The following STK11IP variants were observed in gnomAD, a reference collection of about 807,000 sequenced individuals.
STK11IP encodes the protein serine/threonine-protein kinase 11-interacting protein.
A neutral mutation model predicts 131.7 loss-of-function variants in STK11IP; 103 were observed. The ratio of observed to expected loss-of-function variants is 0.78; its 90% CI spans 0.67 to 0.92. The LOEUF is 0.92. Among genes scored for constraint, STK11IP ranks in the 40% least tolerant of loss-of-function variants. The pLI, the probability that STK11IP is intolerant of heterozygous loss-of-function variation, is 0.00. For synonymous variants in STK11IP, 557 were observed against 575.6 expected (o/e 0.97, Z 0.46); for missense variants, 1,315 against 1,385.7 (o/e 0.95, Z 0.81).
rs1352611564 is a variant in STK11IP at position 219,611,567 on chromosome 2, G to C, written c.2105-37G>C. On this transcript the variant is annotated intron_variant, in intron 17 of 24. Coordinates refer to ENST00000456909, the MANE Select transcript of STK11IP (RefSeq NM_052902.4). The stretch of plus-strand genomic sequence containing the variant: ...CATGGTGGGAGTTGTGGCACTGTGG[G>C]GGGGGCTCATGGGGACCGTGTCCAT... 10 of 1,538,812 alleles carry C rather than the reference G, an allele frequency of 6.5e-6. No homozygotes were observed. The South Asian group carries it at 6.7e-5, about 10-fold the overall frequency.
intron 23 of STK11IP, 26 bp downstream of exon 23, chr2:219,614,572 T>A: frequency 6.2e-7 from 1 of 1,612,738 alleles, no homozygotes; most frequent in Non-Finnish European, 8.5e-7. Context: ...AGCTGATGCT[T>A]CCCTGGTCTC....
intron 13 of STK11IP, among the ~76,000 whole-genome samples, chr2:219,607,784 G>A (rs1389900395): frequency 2.0e-5 from 3 of 152,146 alleles, no homozygotes; most frequent in Non-Finnish European, 2.9e-5. Flanking sequence ...GTCAGCTGCC[G>A]GCCGTCTCGG....
chr2:219,602,826 C>G (rs1479559371), intron 7 of STK11IP, 50 bp downstream of exon 7: 2 of 1,537,400 alleles, frequency 1.3e-6, no homozygotes, highest in Non-Finnish European at 1.8e-6. Flanking sequence ...TTTGATTGCT[C>G]TGCTCTCACT....
chr2:219,606,739 A>G lies in STK11IP; in HGVS notation c.1015A>G (p.Met339Val), dbSNP rs762942732. The change falls in exon 12 of 25, where the codon ATG (methionine) becomes GTG (valine). Residue 339 changes from methionine (M) to valine (V), a missense_variant. Coordinates refer to ENST00000456909, the MANE Select transcript of STK11IP (RefSeq NM_052902.4). ...TCACACATCCTTGGGGCTCAGCCCC[A>G]TGGGCCCACCTTTGCCCTGGCCAGT... ...QTHTSLGLSP[M>V]GPPLPWPVGS... 5.0e-6 allele frequency: 8 copies of G among 1,612,902 alleles called. No individual in the cohort carries two copies. Among genetic ancestry groups the G allele is most frequent in the Non-Finnish European group, 6.8e-6 (8 of 1,179,336 alleles).
At chr2:219,610,412 T>C (rs1698356793) in intron 17 of STK11IP, among the ~76,000 whole-genome samples, 2 of 152,026 alleles carry the variant, frequency 1.3e-5, no homozygotes, top group Admixed American at 1.3e-4. Flanking sequence ...TTTTTTTTCT[T>C]TTTTTTTTGA....
At chr2:219,604,549 TTTAA>T (rs1247594326) in intron 7 of STK11IP, among the ~76,000 whole-genome samples, 1 of 152,168 alleles carries the variant, frequency 6.6e-6, no homozygotes, top group East Asian at 1.9e-4. Context: ...TGACCAGGCA[TTTAA>T]TGGGGGACAT....
In STK11IP at chr2:219,616,063, T is replaced by A; in HGVS notation, c.3137T>A (p.Phe1046Tyr). The A allele has an allele frequency of 6.2e-7, 1 of 1,613,764 alleles. No individual in the cohort carries two copies. Among genetic ancestry groups the A allele is most frequent in the Admixed American group, 1.7e-5 (1 of 60,006 alleles). Reference protein sequence around the residue: ...FYDEVSRLESFWALRVVCQEQ... With the variant: ...FYDEVSRLESYWALRVVCQEQ... ...TGCCAGGTGTCCCGGCTGGAGAGCT[T>A]TTGGGCACTCCGTGTGGTGTGTCAG... is the stretch of plus-strand genomic sequence containing the variant. Residue 1046 changes from phenylalanine to tyrosine, a missense_variant, in exon 25 of 25, where the codon TTT (phenylalanine) becomes TAT (tyrosine). By Grantham distance (22) the Phe-to-Tyr change is conservative. Transcript: ENST00000456909.
rs1559184297 is a variant in STK11IP at position 219,609,534 on chromosome 2, A to G, written c.2098A>G (p.Lys700Glu). Residue 700 changes from lysine to glutamate, a missense_variant, in exon 17 of 25, where the codon AAG (lysine) becomes GAG (glutamate). By Grantham distance (56) the Lys-to-Glu change is moderately conservative (BLOSUM62 1). Transcript: ENST00000456909. ...GGAAGGCTGGAGGCCTCTGTTCCAAAAGACAGGTACAAGTCCTGCCCTTGA... is the reference window on the plus strand; with the variant it reads ...GGAAGGCTGGAGGCCTCTGTTCCAAGAGACAGGTACAAGTCCTGCCCTTGA... ...SEEGWRPLFQKTESPAVCPNC... is the reference protein window; with the variant it reads ...SEEGWRPLFQETESPAVCPNC... 2.6e-6 allele frequency: 4 copies of G among 1,563,582 alleles called. No individual in the cohort carries two copies. Among genetic ancestry groups the G allele is most frequent in the Non-Finnish European group, 3.5e-6 (4 of 1,153,478 alleles).
At chr2:219,602,619 C>T in intron 6 of STK11IP, 44 bp downstream of exon 6, 1 of 1,611,728 alleles carries the variant, frequency 6.2e-7, no homozygotes, top group Non-Finnish European at 8.5e-7. Context: ...AGGGCAAGGC[C>T]AGGCCTTTGG....
At chr2:219,605,833 C>T (rs1188941185) in intron 8 of STK11IP, 99 bp downstream of exon 8, 1 of 1,504,544 alleles carries the variant, frequency 6.6e-7, no homozygotes, top group Non-Finnish European at 9.0e-7. Context: ...CTTGAGAGGG[C>T]TTATGGGGAG....
chr2:219,613,644 G>A (rs1402819091), intron 20 of STK11IP, 108 bp from the exon 21 acceptor site: 4 of 1,288,878 alleles, frequency 3.1e-6, no homozygotes, highest in South Asian at 1.2e-5. Context: ...TGTGGTGAGC[G>A]CACGGGGGTG....
rs200725737 is a variant in STK11IP, at chr2:219,608,105, C to T, written c.1278C>T (p.Phe426=). The T allele has an allele frequency of 9.3e-6, 15 of 1,613,068 alleles. No individual in the cohort carries two copies. The highest frequency in any genetic ancestry group is 8.9e-5 in the East Asian group (4 of 44,864). ...LELMSSFRER[F]GRNWLQYRSH... is the part of the protein sequence containing the mutation. The stretch of plus-strand genomic sequence containing the variant: ...TCATGAGCAGCTTCCGGGAACGGTT[C>T]GGCCGCAACTGGCTGCAGTACAGGA... The change falls in exon 14 of 25, where the codon TTC becomes TTT. Residue 426 remains phenylalanine, a synonymous_variant. Transcript: ENST00000456909.
At position 219,613,937 on chromosome 2, in the gene STK11IP, GA is replaced by G; in HGVS notation, c.2716+8del. 6.4e-7 allele frequency: 1 copy of G among 1,574,570 alleles called. No individual in the cohort carries two copies. The highest frequency in any genetic ancestry group is 8.6e-7 in the Non-Finnish European group (1 of 1,158,350). On this transcript the variant is annotated splice_region_variant and intron_variant, in intron 21 of 24. Transcript: ENST00000456909. ...TTCCTAGAGGAGCTCCTTGGTGAGA[GA>G]GGGGAGGGGAAGGCAGGAGGGTGGG...
intron 15 of STK11IP, 68 bp downstream of exon 15, chr2:219,608,856 C>G: frequency 6.9e-7 from 1 of 1,444,316 alleles, no homozygotes; most frequent in Non-Finnish European, 9.2e-7. Context: ...GTGCCCTGCA[C>G]TGGGCTGGGC....
At chr2:219,605,458 G>T (rs1244052337) in intron 7 of STK11IP, 150 bp from the exon 8 acceptor site, 1 of 706,630 alleles carries the variant, frequency 1.4e-6, no homozygotes, top group Admixed American at 2.6e-5. Context: ...GTCTTTTAAC[G>T]TGGGAGTAGG....
chr2:219,609,006 G>T, intron 15 of STK11IP, 91 bp from the exon 16 acceptor site: 1 of 1,132,994 alleles, frequency 8.8e-7, no homozygotes. Context: ...AGGCTTCAGA[G>T]GTCCTGCCAT....
rs755368379 is a variant in STK11IP at position 219,615,252 on chromosome 2, G to A, written c.3028G>A (p.Val1010Ile). 6.3e-7 allele frequency: 1 copy of A among 1,597,444 alleles called. No individual in the cohort carries two copies. Reference protein sequence around the residue: ...PPSGPGPAVRVREQQPLSSLS... With the variant: ...PPSGPGPAVRIREQQPLSSLS... The stretch of plus-strand genomic sequence containing the variant: ...CTCGGGGCCGGGCCCTGCTGTGCGT[G>A]TCAGGGAGCAGCAGCCACTCAGCAG... Residue 1010 changes from valine to isoleucine, a missense_variant, in exon 24 of 25, where the codon GTC becomes ATC. By Grantham distance (29) the Val-to-Ile change is conservative. Transcript: ENST00000456909.
At chr2:219,602,878 A>G (rs2106149038) in intron 7 of STK11IP, 102 bp downstream of exon 7, 2 of 1,162,178 alleles carry the variant, frequency 1.7e-6, no homozygotes, top group Admixed American at 2.0e-5. Flanking sequence ...TGCTCTTGCC[A>G]TGAGGGTGGA....
rs139684939 is a variant in STK11IP, at chr2:219,615,658, C to G, written c.3117+317C>G. Reference sequence around the variant, plus strand: ...GGCCGGTTGTATGCCAGCCGTTTGGCCTTTGTGACCACCACCTGAGGAGAT... The same window carrying G: ...GGCCGGTTGTATGCCAGCCGTTTGGGCTTTGTGACCACCACCTGAGGAGAT... On this transcript the variant is annotated intron_variant, in intron 24 of 24. Transcript: ENST00000456909. The G allele has an allele frequency of 7.9e-4, 512 of 646,926 alleles. 2 individuals are homozygous for G. The highest frequency in any genetic ancestry group is 6.0e-3 in the Middle Eastern group (22 of 3,678). The allele number at this position is 646,926 out of a possible 1,614,324, so 40.1% of individuals were successfully genotyped here. A position where few individuals can be genotyped will look rare whatever the true frequency, so the allele number is the denominator to read the frequency against.
Sources: gnomAD v4.1 joint callset for allele counts (sites outside exome capture counted in the v4.1 genomes callset) on GRCh38, gnomAD v4.1.1 for gene constraint, MANE v1.5 for transcripts, NCBI Gene and HGNC (gene_info 2026-07-23, HGNC 2026-07-21) for gene names.